NIFK: variants seen among roughly 807,000 people sequenced by gnomAD.
The protein encoded by NIFK is MKI67 FHA domain-interacting nucleolar phosphoprotein.
A neutral mutation model predicts 31.7 loss-of-function variants in NIFK; 16 were observed. The observed-to-expected ratio is 0.50, with a 90% confidence interval of 0.34 to 0.77. The LOEUF is 0.77. Among genes scored for constraint, NIFK ranks in the 30% least tolerant of loss-of-function variants. The probability of loss-of-function intolerance (pLI) is 0.01; values close to 1 mark genes in which losing one functional copy is unlikely to be tolerated. For synonymous variants in NIFK, 126 were observed against 123.0 expected (o/e 1.02, Z -0.16); for missense variants, 341 against 350.4 (o/e 0.97, Z 0.21).
chr2:121,730,399 C>T (rs543970486), intron 4 of NIFK: 3 of 156,370 alleles, frequency 1.9e-5, no homozygotes, highest in South Asian at 1.9e-4. Context: ...GGGGTGGTGG[C>T]GCATGCCTGT....
At chr2:121,732,551 C>T (rs917865979) in intron 2 of NIFK, among the ~76,000 whole-genome samples, 3 of 152,178 alleles carry the variant, frequency 2.0e-5, no homozygotes, top group Admixed American at 6.6e-5. Flanking sequence ...AATCAGGAGG[C>T]TCATTTCCAG....
rs2074573051 is a variant in NIFK, at chr2:121,735,554, T to C, written c.243+59A>G. 5.8e-6 allele frequency: 9 copies of C among 1,543,312 alleles called. No individual in the cohort carries two copies. In the South Asian group the frequency reaches 6.7e-5, roughly 12 times the overall value. ...ATGTATGCGTGAACGTGCTCTTTAA[T>C]GTCAAGGATAATACACATTTGAAAA... On this transcript the variant is annotated intron_variant, in intron 2 of 6. Coordinates refer to ENST00000285814, the MANE Select transcript of NIFK (RefSeq NM_032390.5).
chr2:121,729,804 T>C (rs1470182814), intron 4 of NIFK, among the ~76,000 whole-genome samples: 1 of 152,228 alleles, frequency 6.6e-6, no homozygotes, highest in Non-Finnish European at 1.5e-5. Context: ...AAACAGAACA[T>C]GTAAGTTAAA....
chr2:121,735,317 A>G (rs2074571194), intron 2 of NIFK, among the ~76,000 whole-genome samples: 1 of 152,256 alleles, frequency 6.6e-6, no homozygotes, highest in Non-Finnish European at 1.5e-5. Flanking sequence ...CTTTGCTATT[A>G]TAAGGATGCT....
intron 4 of NIFK, chr2:121,730,571 A>T: frequency 4.2e-6 from 1 of 240,174 alleles, no homozygotes; most frequent in East Asian, 1.1e-4. Flanking sequence ...CTGGCTGGGC[A>T]CGTGGCTCAT....
chr2:121,731,268 T>C, intron 3 of NIFK, 164 bp from the exon 4 acceptor site: 1 of 569,592 alleles, frequency 1.8e-6, no homozygotes, highest in Admixed American at 3.3e-5. Context: ...AGACAAGACC[T>C]GGGCAGCCTT....
chr2:121,735,571 A>G, intron 2 of NIFK, 42 bp downstream of exon 2: 1 of 1,601,588 alleles, frequency 6.2e-7, no homozygotes. Context: ...GATAATACAC[A>G]TTTGAAAAAC....
At chr2:121,728,656 A>G in intron 4 of NIFK, 120 bp from the exon 5 acceptor site, 1 of 615,720 alleles carries the variant, frequency 1.6e-6, no homozygotes, top group Non-Finnish European at 2.8e-6. Context: ...ATTTTAAAAA[A>G]TCAAAACTCA....
intron 3 of NIFK, 129 bp from the exon 4 acceptor site, chr2:121,731,233 T>A: frequency 1.6e-6 from 1 of 610,198 alleles, no homozygotes; most frequent in Non-Finnish European, 2.9e-6. Context: ...CCAGCTTCTC[T>A]CACAGCAATG....
intron 4 of NIFK, among the ~76,000 whole-genome samples, chr2:121,730,074 T>C (rs186378145): frequency 6.7e-6 from 1 of 150,174 alleles, no homozygotes. Context: ...ATTAGCCGGG[T>C]ATGGTGGCAC....
chr2:121,727,649 T>C lies in NIFK; in HGVS notation c.*75A>G, dbSNP rs958821433. The C allele has an allele frequency of 1.1e-4, 116 of 1,101,196 alleles. 1 individual carries two copies. Among genetic ancestry groups the C allele is most frequent in the Non-Finnish European group, 1.5e-4 (111 of 744,056 alleles). The allele number at this position is 1,101,196 out of a possible 1,614,324, so 68.2% of individuals were successfully genotyped here. A position where few individuals can be genotyped will look rare whatever the true frequency, so the allele number is the denominator to read the frequency against. ...AAATCTTGTCAAAGGTTGTATTCCATTGTACCTAGTGAAATACAAAGTCCA... is the reference window on the plus strand; with the variant it reads ...AAATCTTGTCAAAGGTTGTATTCCACTGTACCTAGTGAAATACAAAGTCCA... On this transcript the variant is annotated 3_prime_UTR_variant, in exon 7 of 7. Transcript: ENST00000285814.
At chr2:121,730,392 G>T (rs576933989) in intron 4 of NIFK, 1 of 155,120 alleles carries the variant, frequency 6.4e-6, no homozygotes, top group Admixed American at 6.5e-5. Flanking sequence ...ATTAGCCGGG[G>T]TGGTGGCGCA....
intron 6 of NIFK, 81 bp from the exon 7 acceptor site, chr2:121,727,993 A>ATT: frequency 7.7e-7 from 1 of 1,291,564 alleles, no homozygotes. Flanking sequence ...TCTCTCCTCT[A>ATT]TTTTTACAAG....
intron 2 of NIFK, 27 bp from the exon 3 acceptor site, chr2:121,732,231 G>A: frequency 1.5e-6 from 2 of 1,358,878 alleles, no homozygotes; most frequent in Non-Finnish European, 2.1e-6. Context: ...GCCACAAAAA[G>A]TAGAACAATT....
intron 2 of NIFK, among the ~76,000 whole-genome samples, chr2:121,733,177 G>A (rs1270753589): frequency 1.3e-5 from 2 of 151,652 alleles, no homozygotes; most frequent in Non-Finnish European, 1.5e-5. Context: ...TCAGGAGTTC[G>A]AGACCAGCCT....
intron 2 of NIFK, among the ~76,000 whole-genome samples, chr2:121,734,617 C>A (rs1426406761): frequency 6.6e-6 from 1 of 152,034 alleles, no homozygotes; most frequent in African/African-American, 2.4e-5. Flanking sequence ...ATAGTGAAAC[C>A]CCGTCTCTAG....
chr2:121,731,538 C>T (rs558037608), intron 3 of NIFK, among the ~76,000 whole-genome samples: 120 of 152,336 alleles, frequency 7.9e-4, no homozygotes, highest in African/African-American at 2.8e-3. Context: ...TTTTGCAACG[C>T]GATTCCTGAC....
rs112435886 is a variant in NIFK, at chr2:121,734,485, T to C, written c.243+1128A>G. Among the ~76,000 whole-genome samples, 69 of 152,216 alleles carry C rather than the reference T, an allele frequency of 4.5e-4. 1 individual carries two copies. Among genetic ancestry groups the C allele is most frequent in the African/African-American group, 1.6e-3 (66 of 41,540 alleles). ...TACATATATATATAGTAAAAACTTA[T>C]ATATAGCAATGAAAACTGAATTTGT... On this transcript the variant is annotated intron_variant, in intron 2 of 6. Transcript: ENST00000285814.
chr2:121,728,193 T>C (rs1424351527), intron 6 of NIFK, 95 bp downstream of exon 6: 2 of 859,738 alleles, frequency 2.3e-6, no homozygotes, highest in African/African-American at 1.7e-5. Flanking sequence ...CAATATTTAA[T>C]TTGAAATCTT....
Sources: gnomAD v4.1 joint callset for allele counts (sites outside exome capture counted in the v4.1 genomes callset) on GRCh38, gnomAD v4.1.1 for gene constraint, MANE v1.5 for transcripts, NCBI Gene and HGNC (gene_info 2026-07-23, HGNC 2026-07-21) for gene names.